The following GRIN2B variants were observed in gnomAD, a reference collection of about 807,000 sequenced individuals.
The protein encoded by GRIN2B is glutamate receptor ionotropic, NMDA 2B.
In GRIN2B, 5 loss-of-function variants were observed where a neutral mutation model predicts 114.5. That is an observed-to-expected ratio of 0.04 (90% CI 0.02 to 0.09). GRIN2B has a LOEUF of 0.09. GRIN2B is among the 10% of genes least tolerant of loss of function. The probability of loss-of-function intolerance (pLI) is 1.00; values close to 1 mark genes in which losing one functional copy is unlikely to be tolerated. For missense variants in GRIN2B, 1,108 were observed against 1,943.5 expected (o/e 0.57, Z 8.08); for synonymous variants, 787 against 745.1 (o/e 1.06, Z -0.92).
At chr12:13,842,247 A>C (rs535736352) in intron 3 of GRIN2B, among the ~76,000 whole-genome samples, 47 of 152,298 alleles carry the variant, frequency 3.1e-4, no homozygotes, top group African/African-American at 1.1e-3. Flanking sequence ...TTCTGTTTTA[A>C]ATTATTTGCT....
rs2136747318 is a variant in GRIN2B at position 13,866,086 on chromosome 12, G to A, written c.123C>T (p.Leu41=). The change falls in exon 3 of 14, where the codon CTC becomes CTT. Residue 41 remains leucine, a synonymous_variant. Transcript: ENST00000609686. ...SPPSIGIAVI[L]VGTSDEVAIK... Reference sequence around the variant, plus strand: ...TGGCCACCTCGTCGGAAGTGCCCACGAGGATGACAGCAATGCCAATGCTGG... The same window carrying A: ...TGGCCACCTCGTCGGAAGTGCCCACAAGGATGACAGCAATGCCAATGCTGG... The A allele has an allele frequency of 6.8e-6, 11 of 1,614,006 alleles. No homozygotes were observed. The highest frequency in any genetic ancestry group is 2.2e-5 in the South Asian group (2 of 91,072).
At chr12:13,819,664 C>T (rs1864895561) in intron 3 of GRIN2B, among the ~76,000 whole-genome samples, 1 of 152,174 alleles carries the variant, frequency 6.6e-6, no homozygotes, top group African/African-American at 2.4e-5. Flanking sequence ...AAAATATGAG[C>T]ACTTTTAAGA....
At chr12:13,811,385 A>G (rs1192052484) in intron 3 of GRIN2B, among the ~76,000 whole-genome samples, 1 of 152,188 alleles carries the variant, frequency 6.6e-6, no homozygotes, top group East Asian at 1.9e-4. Context: ...AGAGTTAAAG[A>G]CCAGCATGTG....
At chr12:13,789,534 A>C (rs965948041) in intron 3 of GRIN2B, among the ~76,000 whole-genome samples, 12 of 152,196 alleles carry the variant, frequency 7.9e-5, no homozygotes, top group Non-Finnish European at 1.8e-4. Flanking sequence ...TGTCAGTCCA[A>C]GATCAGTTTT....
chr12:13,577,042 T>A (rs1948785774), intron 10 of GRIN2B, among the ~76,000 whole-genome samples: 1 of 152,082 alleles, frequency 6.6e-6, no homozygotes, highest in Non-Finnish European at 1.5e-5. Context: ...GTAGACACAG[T>A]GTAGAGGGAG....
chr12:13,675,306 G>A (rs1950062419), intron 5 of GRIN2B, among the ~76,000 whole-genome samples: 1 of 152,094 alleles, frequency 6.6e-6, no homozygotes, highest in Non-Finnish European at 1.5e-5. Flanking sequence ...GGCAGTGGGA[G>A]AGATTGAGCA....
intron 10 of GRIN2B, among the ~76,000 whole-genome samples, chr12:13,602,097 CA>C (rs531580961): frequency 1.3e-5 from 2 of 152,142 alleles, no homozygotes; most frequent in South Asian, 4.1e-4. Context: ...TGGAAAGGGC[CA>C]GACTGGCTCT....
intron 3 of GRIN2B, among the ~76,000 whole-genome samples, chr12:13,822,558 A>G (rs1238762154): frequency 6.6e-6 from 1 of 152,122 alleles, no homozygotes; most frequent in African/African-American, 2.4e-5. Flanking sequence ...AGGGGGTAAT[A>G]CTAAAAACTG....
Position 13,608,828 on chromosome 12 carries a change from A to G in GRIN2B, c.1785T>C (p.Pro595=). 1 of 1,612,498 alleles carries G rather than the reference A, an allele frequency of 6.2e-7. No individual in the cohort carries two copies. The highest frequency in any genetic ancestry group is 8.5e-7 in the Non-Finnish European group (1 of 1,178,506). The change falls in exon 10 of 14, where the codon CCT becomes CCC. Residue 595 remains proline (P), a synonymous_variant. Transcript: ENST00000609686. ...YNRCLADGRE[P]GGPSFTIGKA... ...TGCCGATGGTGAAAGAGGGTCCACC[A>G]GGCTCTGGCATGACAAAAAGACAAG...
intron 5 of GRIN2B, among the ~76,000 whole-genome samples, chr12:13,641,158 A>G (rs1949711546): frequency 6.6e-6 from 1 of 151,960 alleles, no homozygotes; most frequent in Non-Finnish European, 1.5e-5. Flanking sequence ...TGCAACCTCC[A>G]TCTCCTGGGT....
At chr12:13,605,658 C>T (rs923844053) in intron 10 of GRIN2B, among the ~76,000 whole-genome samples, 1 of 151,750 alleles carries the variant, frequency 6.6e-6, no homozygotes, top group Non-Finnish European at 1.5e-5. Flanking sequence ...GGAGGACAGA[C>T]ATGTGCATAT....
At chr12:13,758,197 A>C (rs1863613646) in intron 3 of GRIN2B, among the ~76,000 whole-genome samples, 1 of 152,152 alleles carries the variant, frequency 6.6e-6, no homozygotes, top group African/African-American at 2.4e-5. Flanking sequence ...TGAAGCTTCC[A>C]TTAAAACTGC....
intron 4 of GRIN2B, among the ~76,000 whole-genome samples, chr12:13,704,889 T>C (rs1950345500): frequency 6.6e-6 from 1 of 152,174 alleles, no homozygotes; most frequent in Non-Finnish European, 1.5e-5. Context: ...TATTCCTCAT[T>C]TTTTACTGAG....
chr12:13,924,274 G>T (rs749993048), intron 2 of GRIN2B, among the ~76,000 whole-genome samples: 34 of 152,310 alleles, frequency 2.2e-4, no homozygotes, highest in Middle Eastern at 6.8e-3. Context: ...AACTCCAAAT[G>T]GGAAGATAGA....
intron 3 of GRIN2B, among the ~76,000 whole-genome samples, chr12:13,817,535 C>T (rs993918348): frequency 1.3e-5 from 2 of 152,184 alleles, no homozygotes; most frequent in African/African-American, 2.4e-5. Context: ...AATTCTAGCA[C>T]ATGTGGAATG....
chr12:13,859,229 C>T (rs554862001), intron 3 of GRIN2B, among the ~76,000 whole-genome samples: 1 of 152,316 alleles, frequency 6.6e-6, no homozygotes, highest in South Asian at 2.1e-4. Context: ...TCTGCATTCT[C>T]TCCTTGTGCT....
chr12:13,715,980 A>G (rs1020338308), intron 4 of GRIN2B, among the ~76,000 whole-genome samples: 1 of 151,896 alleles, frequency 6.6e-6, no homozygotes, highest in African/African-American at 2.4e-5. Context: ...ATATCTATTT[A>G]CAAATCATTA....
chr12:13,725,769 A>C (rs1412611181), intron 4 of GRIN2B, among the ~76,000 whole-genome samples: 1 of 152,168 alleles, frequency 6.6e-6, no homozygotes, highest in Non-Finnish European at 1.5e-5. Context: ...GGTTTTGTGA[A>C]GAGAAACCCC....
chr12:13,922,943 A>G (rs1866847955), intron 2 of GRIN2B, among the ~76,000 whole-genome samples: 2 of 152,228 alleles, frequency 1.3e-5, no homozygotes, highest in South Asian at 4.1e-4. Context: ...ACTTTTTGAT[A>G]CAAAGACATT....
Sources: gnomAD v4.1 joint callset for allele counts (sites outside exome capture counted in the v4.1 genomes callset) on GRCh38, gnomAD v4.1.1 for gene constraint, MANE v1.5 for transcripts, NCBI Gene and HGNC (gene_info 2026-07-23, HGNC 2026-07-21) for gene names.